The following PTPN20 variants were observed in gnomAD, a reference collection of about 807,000 sequenced individuals.
PTPN20 encodes protein tyrosine phosphatase non-receptor type 20, also known as tyrosine-protein phosphatase non-receptor type 20.
PTPN20 carries 9 observed loss-of-function variants against 35.0 expected under a neutral mutation model. The observed-to-expected ratio is 0.26, with a 90% CI of 0.15 to 0.45. The LOEUF is 0.45. PTPN20 is among the 20% of genes least tolerant of loss of function. The pLI, the probability that PTPN20 is intolerant of heterozygous loss-of-function variation, is 1.00. For synonymous variants in PTPN20, 32 were observed against 100.2 expected (o/e 0.32, Z 4.06); for missense variants, 111 against 312.5 (o/e 0.36, Z 4.86).
intron 2 of PTPN20, among the ~76,000 whole-genome samples, chr10:46,936,143 C>T (rs1163933267): frequency 9.9e-5 from 15 of 151,890 alleles, no homozygotes; most frequent in South Asian, 8.4e-4. Flanking sequence ...CATTTTTTAA[C>T]AGGGTTGTTT....
At chr10:46,940,850 A>G (rs2043249577) in intron 3 of PTPN20, 133 bp downstream of exon 3, 2 of 1,069,824 alleles carry the variant, frequency 1.9e-6, no homozygotes, top group Admixed American at 2.0e-5. Flanking sequence ...TGTAGTGTTG[A>G]CAGTGACCAA....
intron 9 of PTPN20, among the ~76,000 whole-genome samples, chr10:46,993,770 G>A (rs958987061): frequency 2.6e-4 from 39 of 152,110 alleles, no homozygotes; most frequent in African/African-American, 8.7e-4. Context: ...TAGCTATTAC[G>A]GCTTTTTATG....
intron 1 of PTPN20, chr10:46,926,165 T>G (rs2037306291): frequency 1.0e-6 from 1 of 985,012 alleles, no homozygotes; most frequent in African/African-American, 1.8e-5. Context: ...TGTATTATAA[T>G]TTTACTTGGA....
chr10:46,968,574 TTACTCTTA>T (rs2051408976), intron 7 of PTPN20, among the ~76,000 whole-genome samples: 2 of 152,218 alleles, frequency 1.3e-5, no homozygotes, highest in African/African-American at 4.8e-5. Flanking sequence ...CCTCACTCAG[TTACTCTTA>T]GGAGTTATCC....
rs989803065 is a variant in PTPN20 at position 47,002,166 on chromosome 10, T to A, written c.*1425T>A. On this transcript the variant is annotated 3_prime_UTR_variant, in exon 11 of 11. Coordinates refer to ENST00000374339, the MANE Select transcript of PTPN20 (RefSeq NM_001042357.5). ...ATTCTGTTTACATTGTTCATATGAA[T>A]AATAATCTGTGTTAATTTCATTTTG... 1.3e-5 allele frequency: 2 copies of A among 152,382 alleles called. No homozygotes were observed. Among genetic ancestry groups the A allele is most frequent in the African/African-American group, 4.8e-5 (2 of 41,462 alleles). The allele number at this position is 152,382 out of a possible 1,614,324, so 9.4% of individuals were successfully genotyped here.
intron 5 of PTPN20, among the ~76,000 whole-genome samples, chr10:46,950,522 G>C (rs2046329088): frequency 6.6e-6 from 1 of 151,742 alleles, no homozygotes; most frequent in African/African-American, 2.4e-5. Flanking sequence ...GGGGACACAG[G>C]AGCATCAGGG....
At chr10:46,932,283 T>C in intron 1 of PTPN20, 94 bp from the exon 2 acceptor site, 2 of 1,463,232 alleles carry the variant, frequency 1.4e-6, no homozygotes, top group Non-Finnish European at 9.0e-7. Context: ...AATTGCAGTT[T>C]TAAATATTTT....
intron 9 of PTPN20, among the ~76,000 whole-genome samples, chr10:46,994,216 C>T (rs1386605426): frequency 6.8e-6 from 1 of 147,638 alleles, no homozygotes; most frequent in Non-Finnish European, 1.5e-5. Flanking sequence ...TTTTCTCCTG[C>T]TACTTTTTAG....
chr10:46,997,203 C>G (rs1275565210), intron 9 of PTPN20, among the ~76,000 whole-genome samples: 8 of 151,856 alleles, frequency 5.3e-5, no homozygotes, highest in African/African-American at 1.9e-4. Context: ...TTAAATTTAC[C>G]CTATTCATTT....
intron 9 of PTPN20, among the ~76,000 whole-genome samples, chr10:46,988,688 G>T (rs1170925395): frequency 5.3e-5 from 8 of 151,724 alleles, no homozygotes; most frequent in Non-Finnish European, 7.4e-5. Context: ...TGAATGACAG[G>T]ATGTCACTCT....
At position 47,000,915 on chromosome 10, in the gene PTPN20, G is replaced by A. The variant is rs1404534874; in HGVS notation, c.*174G>A. On this transcript the variant is annotated 3_prime_UTR_variant, in exon 11 of 11. Transcript: ENST00000374339. ...GAAGGGCAATATCATTTGGCTTGGGGTGATCAGTGTTTACTTATTGATCTT... is the reference window on the plus strand; with the variant it reads ...GAAGGGCAATATCATTTGGCTTGGGATGATCAGTGTTTACTTATTGATCTT... 1 of 743,646 alleles carries A rather than the reference G, an allele frequency of 1.3e-6. No individual in the cohort carries two copies. The highest frequency in any genetic ancestry group is 1.8e-5 in the African/African-American group (1 of 56,724). 46.1% of individuals were successfully genotyped at this position (743,646 alleles called of 1,614,324 possible).
intron 1 of PTPN20, among the ~76,000 whole-genome samples, chr10:46,932,165 A>G (rs1276961947): frequency 4.6e-5 from 7 of 151,776 alleles, no homozygotes; most frequent in African/African-American, 1.7e-4. Context: ...AAGGTATAGC[A>G]TATTTAAGCT....
At chr10:46,982,789 T>G (rs1352188467) in intron 7 of PTPN20, among the ~76,000 whole-genome samples, 1 of 152,068 alleles carries the variant, frequency 6.6e-6, no homozygotes, top group Non-Finnish European at 1.5e-5. Context: ...TTATTATTAT[T>G]ATATGACATA....
chr10:46,997,829 G>A (rs896542436), intron 9 of PTPN20, among the ~76,000 whole-genome samples: 12 of 152,180 alleles, frequency 7.9e-5, no homozygotes, highest in Non-Finnish European at 1.3e-4. Flanking sequence ...TAGCCCTTGG[G>A]GAAATGCTAA....
At chr10:46,948,130 C>G (rs1443383171) in intron 5 of PTPN20, among the ~76,000 whole-genome samples, 3 of 152,012 alleles carry the variant, frequency 2.0e-5, no homozygotes, top group African/African-American at 7.2e-5. Flanking sequence ...TTTACTGATT[C>G]CTTTCTTGGT....
In PTPN20 at chr10:46,999,894, A is replaced by G. The variant is rs781912041; in HGVS notation, c.1135-18A>G. ...TCCCCCATGTGGATCATACAAAATT[A>G]CTGTCATCTTATTACAGTTCAACAT... On this transcript the variant is annotated intron_variant, in intron 9 of 10. Transcript: ENST00000374339. The G allele has an allele frequency of 3.0e-5, 49 of 1,613,578 alleles. No homozygotes were observed. The highest frequency in any genetic ancestry group is 4.0e-5 in the Non-Finnish European group (47 of 1,179,608).
intron 9 of PTPN20, among the ~76,000 whole-genome samples, chr10:46,993,934 A>AT (rs2058516031): frequency 6.6e-6 from 1 of 151,900 alleles, no homozygotes; most frequent in East Asian, 1.9e-4. Context: ...GGTTTTTTGT[A>AT]TTTTTTTATT....
chr10:47,000,036 C>T, intron 10 of PTPN20, 62 bp downstream of exon 10: 1 of 1,596,704 alleles, frequency 6.3e-7, no homozygotes. Context: ...CATTGCATAA[C>T]ACTTTACCAC....
At position 46,972,357 on chromosome 10, in the gene PTPN20, A is replaced by G. The variant is rs1157230542; in HGVS notation, c.583+4310A>G. On this transcript the variant is annotated intron_variant, in intron 7 of 10. Coordinates refer to ENST00000374339, the MANE Select transcript of PTPN20 (RefSeq NM_001042357.5). ...ATATTCACCATTGTAAATCATTAGG[A>G]AAATGCAAATTAAAACCATAATGAG... Among the ~76,000 whole-genome samples the G allele has an allele frequency of 2.7e-3, 412 of 151,830 alleles. 4 individuals are homozygous for G. The highest frequency in any genetic ancestry group is 4.6e-3 in the Non-Finnish European group (309 of 67,886).
Sources: allele counts gnomAD v4.1 joint callset (sites outside exome capture counted in the v4.1 genomes callset), GRCh38; gene constraint gnomAD v4.1.1; transcripts MANE v1.5; gene names NCBI Gene and HGNC (gene_info 2026-07-23, HGNC 2026-07-21).